The following PRDM5 variants were observed in gnomAD, a reference collection of about 807,000 sequenced individuals.
PRDM5 encodes PR/SET domain 5.
A neutral mutation model predicts 81.2 loss-of-function variants in PRDM5; 56 were observed. The observed-to-expected ratio is 0.69, with a 90% CI of 0.56 to 0.86. PRDM5 has a LOEUF of 0.86. Ranked by LOEUF, PRDM5 falls within the 40% of genes least tolerant of loss-of-function variation. The pLI is 0.00. For missense variants in PRDM5, 697 were observed against 770.1 expected, an observed-to-expected ratio of 0.91 and a Z score of 1.12; for synonymous variants, 267 against 256.4, an observed-to-expected ratio of 1.04 and a Z score of -0.39.
At chr4:120,791,784 T>C (rs566062341) in intron 10 of PRDM5, among the ~76,000 whole-genome samples, 35 of 152,238 alleles carry the variant, frequency 2.3e-4, no homozygotes, top group African/African-American at 8.2e-4. Flanking sequence ...GTATTAGGAG[T>C]TGGGACCTCT....
chr4:120,798,501 T>C, intron 9 of PRDM5, 77 bp from the exon 10 acceptor site: 1 of 1,305,670 alleles, frequency 7.7e-7, no homozygotes, highest in South Asian at 1.3e-5. Flanking sequence ...CCTTACCTTA[T>C]ATTACTTCTT....
chr4:120,885,439 T>C (rs895021616), intron 2 of PRDM5: 1 of 152,188 alleles, frequency 6.6e-6, no homozygotes, highest in African/African-American at 2.4e-5. Context: ...ATGTCCTTCC[T>C]CATTATTTAA....
intron 2 of PRDM5, among the ~76,000 whole-genome samples, chr4:120,887,339 T>C (rs1196991214): frequency 6.6e-6 from 1 of 152,104 alleles, no homozygotes; most frequent in East Asian, 1.9e-4. Context: ...TCACCAAATC[T>C]ACTGTTAGGG....
At chr4:120,887,751 G>A (rs1275205420) in intron 2 of PRDM5, among the ~76,000 whole-genome samples, 1 of 150,460 alleles carries the variant, frequency 6.6e-6, no homozygotes, top group Non-Finnish European at 1.5e-5. Flanking sequence ...TGACAGCCCA[G>A]CTAAAGCAGA....
chr4:120,689,420 T>C (rs978989616), downstream of PRDM5, among the ~76,000 whole-genome samples: 1 of 151,954 alleles, frequency 6.6e-6, no homozygotes, highest in African/African-American at 2.4e-5. Context: ...CTTTTTTTTT[T>C]CTGGATAAAG....
chr4:120,908,865 C>A (rs531513545), intron 1 of PRDM5, among the ~76,000 whole-genome samples: 6 of 152,178 alleles, frequency 3.9e-5, no homozygotes, highest in Admixed American at 1.3e-4. Context: ...TCCTCTCATG[C>A]CTCACTAGTC....
chr4:120,776,289 C>T (rs534363824), intron 13 of PRDM5, among the ~76,000 whole-genome samples: 2 of 152,284 alleles, frequency 1.3e-5, no homozygotes, highest in South Asian at 4.1e-4. Context: ...AATTATGCTC[C>T]AAGGGTGTCC....
chr4:120,787,872 A>C (rs1749993294), intron 10 of PRDM5, among the ~76,000 whole-genome samples: 1 of 152,202 alleles, frequency 6.6e-6, no homozygotes, highest in African/African-American at 2.4e-5. Context: ...TATAAGATGG[A>C]GATGTCAGAT....
At chr4:120,847,187 A>T (rs756186330) in intron 3 of PRDM5, among the ~76,000 whole-genome samples, 27 of 152,188 alleles carry the variant, frequency 1.8e-4, no homozygotes, top group Admixed American at 3.3e-4. Context: ...TGGTATCCAG[A>T]CCATCATGTA....
rs528639768 is a variant in PRDM5 at position 120,862,332 on chromosome 4, G to A, written c.178-8792C>T. On this transcript the variant is annotated intron_variant, in intron 2 of 15. Transcript: ENST00000264808. Reference sequence around the variant, plus strand: ...CAATTTATACCTTCAGTATGAGGAAGCAGAAAACACAATGTTTAAAAAGCT... The same window carrying A: ...CAATTTATACCTTCAGTATGAGGAAACAGAAAACACAATGTTTAAAAAGCT... Among the ~76,000 whole-genome samples, 11 of 152,284 alleles carry A rather than the reference G, an allele frequency of 7.2e-5. No individual in the cohort carries two copies. The South Asian group carries it at 2.3e-3, about 32-fold the overall frequency.
At chr4:120,750,712 A>ACGCG (rs766149115) in intron 14 of PRDM5, among the ~76,000 whole-genome samples, 6 of 149,736 alleles carry the variant, frequency 4.0e-5, no homozygotes, top group Non-Finnish European at 7.4e-5. Flanking sequence ...ACACACACAC[A>ACGCG]CACACACGCG....
At chr4:120,890,093 G>A (rs1763879835) in intron 2 of PRDM5, among the ~76,000 whole-genome samples, 1 of 152,136 alleles carries the variant, frequency 6.6e-6, no homozygotes, top group Admixed American at 6.5e-5. Flanking sequence ...CTGAGCCTGG[G>A]TAATTTATAA....
At chr4:120,684,359 G>A (rs901745039), downstream of PRDM5, among the ~76,000 whole-genome samples, 11 of 151,966 alleles carry the variant, frequency 7.2e-5, no homozygotes, top group African/African-American at 2.7e-4. Flanking sequence ...CAGCAAGAAA[G>A]AAGGTCATAT....
chr4:120,822,051 A>T (rs1396035037), intron 3 of PRDM5, among the ~76,000 whole-genome samples: 1 of 152,232 alleles, frequency 6.6e-6, no homozygotes, highest in East Asian at 1.9e-4. Context: ...ACTAATGCAG[A>T]GGAAACCTCG....
At chr4:120,719,307 C>T (rs1218729987) in intron 14 of PRDM5, among the ~76,000 whole-genome samples, 1 of 152,178 alleles carries the variant, frequency 6.6e-6, no homozygotes, top group African/African-American at 2.4e-5. Context: ...AAGACTTTTT[C>T]CCAGTCTGTT....
chr4:120,755,704 C>CT (rs1456274610), intron 13 of PRDM5, among the ~76,000 whole-genome samples: 1 of 152,200 alleles, frequency 6.6e-6, no homozygotes, highest in Non-Finnish European at 1.5e-5. Context: ...GACCTCTCCC[C>CT]TGTCCCTGAC....
At position 120,829,259 on chromosome 4, in the gene PRDM5, T is replaced by C. The variant is rs77249978; in HGVS notation, c.301-7914A>G. On this transcript the variant is annotated intron_variant, in intron 3 of 15. Coordinates refer to ENST00000264808, the MANE Select transcript of PRDM5 (RefSeq NM_018699.4). Reference sequence around the variant, plus strand: ...ACTACTTCTGTACTGTGGTAATGGTTAGGACCAAATGAACTCAAGATGCCT... The same window carrying C: ...ACTACTTCTGTACTGTGGTAATGGTCAGGACCAAATGAACTCAAGATGCCT... 2.7e-3 allele frequency among the ~76,000 whole-genome samples: 414 copies of C among 152,204 alleles called. 2 individuals are homozygous for C. The highest frequency in any genetic ancestry group is 6.8e-3 in the Middle Eastern group (2 of 294).
intron 1 of PRDM5, among the ~76,000 whole-genome samples, chr4:120,913,013 A>G (rs1352463387): frequency 2.0e-5 from 3 of 152,168 alleles, no homozygotes; most frequent in East Asian, 1.9e-4. Context: ...AAAATAACCA[A>G]TCTTCCTTCC....
chr4:120,737,570 A>G (rs1254356608), intron 14 of PRDM5, among the ~76,000 whole-genome samples: 1 of 152,198 alleles, frequency 6.6e-6, no homozygotes, highest in African/African-American at 2.4e-5. Context: ...TTCCTGACAG[A>G]CACAAGCAGG....
Sources: gnomAD v4.1 joint callset for allele counts (sites outside exome capture counted in the v4.1 genomes callset) on GRCh38, gnomAD v4.1.1 for gene constraint, MANE v1.5 for transcripts, NCBI Gene and HGNC (gene_info 2026-07-23, HGNC 2026-07-21) for gene names.